The following EPM2A variants were observed in gnomAD, a reference collection of about 807,000 sequenced individuals.
EPM2A encodes the protein laforin.
A neutral mutation model predicts 26.5 loss-of-function variants in EPM2A; 21 were observed. That is an observed-to-expected ratio of 0.79 (90% confidence interval 0.56 to 1.14). The LOEUF is 1.14. EPM2A is among the 50% of genes most tolerant of loss of function. EPM2A has a pLI of 0.00. For synonymous variants in EPM2A, 217 were observed against 177.6 expected (o/e 1.22, Z -1.76); for missense variants, 458 against 440.8 (o/e 1.04, Z -0.35).
chr6:145,707,600 T>A (rs1467227545), intron 1 of EPM2A, among the ~76,000 whole-genome samples: 4 of 152,162 alleles, frequency 2.6e-5, no homozygotes, highest in Admixed American at 1.3e-4. Context: ...TATAAAAGGG[T>A]ATACCCTTGT....
chr6:145,420,357 A>G (rs1044528580), intron 4 of EPM2A, among the ~76,000 whole-genome samples: 3 of 152,172 alleles, frequency 2.0e-5, no homozygotes, highest in Non-Finnish European at 4.4e-5. Flanking sequence ...ATATGGTACT[A>G]CTAGAACTTT....
chr6:145,431,722 T>C (rs1185166104), intron 4 of EPM2A, among the ~76,000 whole-genome samples: 1 of 152,168 alleles, frequency 6.6e-6, no homozygotes, highest in African/African-American at 2.4e-5. Flanking sequence ...TGAGTGTGAC[T>C]GCAGTAATTT....
Position 145,513,688 on chromosome 6 carries a change from G to A in EPM2A, c.341-11113C>T, listed in dbSNP as rs183838295. Among the ~76,000 whole-genome samples, 14 of 152,290 alleles carry A rather than the reference G, an allele frequency of 9.2e-5. No individual in the cohort carries two copies. In the East Asian group the frequency reaches 2.7e-3, roughly 29 times the overall value. On this transcript the variant is annotated intron_variant, in intron 2 of 3. Coordinates refer to the EPM2A transcript ENST00000450221. The stretch of plus-strand genomic sequence containing the variant: ...CCTTGATAGCAAAAATATGAATATT[G>A]ATTATTCATGACATGCAAGTGATGA...
chr6:145,438,692 T>G (rs1779020949), intron 4 of EPM2A, among the ~76,000 whole-genome samples: 1 of 152,090 alleles, frequency 6.6e-6, no homozygotes, highest in Non-Finnish European at 1.5e-5. Context: ...CAGGCTGGTC[T>G]CAAACTCCTG....
intron 2 of EPM2A, among the ~76,000 whole-genome samples, chr6:145,525,629 T>G (rs1182905558): frequency 6.6e-6 from 1 of 152,146 alleles, no homozygotes; most frequent in Non-Finnish European, 1.5e-5. Flanking sequence ...TGCTACTGAT[T>G]TGTGTACATT....
chr6:145,477,952 T>C (rs998821600), intron 4 of EPM2A, among the ~76,000 whole-genome samples: 19 of 151,894 alleles, frequency 1.3e-4, no homozygotes, highest in African/African-American at 4.6e-4. Flanking sequence ...AAGAGAAAGA[T>C]ATAAAGGGCA....
At chr6:145,509,320 A>T (rs1780021250) in intron 2 of EPM2A, among the ~76,000 whole-genome samples, 1 of 152,194 alleles carries the variant, frequency 6.6e-6, no homozygotes, top group Non-Finnish European at 1.5e-5. Context: ...AAAAAAAGAA[A>T]ATCTTAAAGA....
chr6:145,459,018 G>A (rs750274219), intron 4 of EPM2A, among the ~76,000 whole-genome samples: 1 of 152,118 alleles, frequency 6.6e-6, no homozygotes, highest in East Asian at 1.9e-4. Context: ...GAAGTGGAAA[G>A]GACTTTGTTT....
chr6:145,615,748 G>A (rs894537919), intron 2 of EPM2A, among the ~76,000 whole-genome samples: 1 of 152,024 alleles, frequency 6.6e-6, no homozygotes, highest in South Asian at 2.1e-4. Context: ...CTGGAGTAAA[G>A]GTGACTCTTG....
At chr6:145,700,860 T>C (rs1301991768) in intron 1 of EPM2A, among the ~76,000 whole-genome samples, 1 of 152,208 alleles carries the variant, frequency 6.6e-6, no homozygotes, top group Non-Finnish European at 1.5e-5. Context: ...AAACACTCCC[T>C]TGAGCTGATC....
At chr6:145,579,369 A>T (rs1781081681) in intron 2 of EPM2A, among the ~76,000 whole-genome samples, 1 of 152,112 alleles carries the variant, frequency 6.6e-6, no homozygotes, top group Non-Finnish European at 1.5e-5. Flanking sequence ...CATAAAATTA[A>T]CCATCACAAA....
intron 4 of EPM2A, among the ~76,000 whole-genome samples, chr6:145,479,533 C>T (rs1779587487): frequency 6.6e-6 from 1 of 151,788 alleles, no homozygotes; most frequent in African/African-American, 2.4e-5. Flanking sequence ...AACATAGGTC[C>T]TTTTGTGATA....
rs1779316462 is a variant in EPM2A, at chr6:145,667,708, T to G, written c.476+18414A>C. Among the ~76,000 whole-genome samples the G allele has an allele frequency of 5.7e-5, 8 of 140,196 alleles. 1 individual carries two copies. The South Asian group carries it at 1.8e-3, about 31-fold the overall frequency. The allele number at this position is 140,196 out of a possible 152,430, so 92.0% of individuals were successfully genotyped here. On this transcript the variant is annotated intron_variant, in intron 2 of 3. Transcript: ENST00000367519. Reference sequence around the variant, plus strand: ...TAAATCATGCTGCTATAAAGACACATGCACACGTATGTTTATTGCAGCATT... The same window carrying G: ...TAAATCATGCTGCTATAAAGACACAGGCACACGTATGTTTATTGCAGCATT...
At chr6:145,576,401 A>G (rs900168131) in intron 2 of EPM2A, among the ~76,000 whole-genome samples, 3 of 151,914 alleles carry the variant, frequency 2.0e-5, no homozygotes, top group Non-Finnish European at 4.4e-5. Flanking sequence ...TCTTATCAAG[A>G]CATCACAGTA....
rs199808514 is a variant in EPM2A at position 145,666,107 on chromosome 6, G to C, written c.476+20015C>G. On this transcript the variant is annotated intron_variant, in intron 2 of 3. Coordinates refer to ENST00000367519, the MANE Select transcript of EPM2A (RefSeq NM_005670.4). ...GCATTCCCTTTGAAAACTGGCACAA[G>C]ACAGGGATGCCCTCTCTCACCGCTC... Among the ~76,000 whole-genome samples the C allele has an allele frequency of 3.9e-3, 567 of 146,984 alleles. 16 individuals carry two copies. In the East Asian group the frequency reaches 0.07, roughly 18 times the overall value.
chr6:145,627,886 A>T (rs1775946161), intron 3 of EPM2A, 193 bp from the exon 4 acceptor site: 2 of 732,608 alleles, frequency 2.7e-6, no homozygotes, highest in Non-Finnish European at 2.2e-6. Flanking sequence ...AAGTGGAAAG[A>T]GCATTCCAGA....
At chr6:145,618,779 A>G (rs1775569122) in intron 2 of EPM2A, among the ~76,000 whole-genome samples, 1 of 152,224 alleles carries the variant, frequency 6.6e-6, no homozygotes, top group South Asian at 2.1e-4. Context: ...ACAGACTAAT[A>G]CAATGTCACG....
chr6:145,636,150 A>G (rs1392773406), intron 2 of EPM2A: 2 of 152,306 alleles, frequency 1.3e-5, no homozygotes, highest in Non-Finnish European at 2.9e-5. Context: ...AAAAGTTAAA[A>G]ACTCAGAAAA....
chr6:145,488,527 G>A (rs1779709294), intron 4 of EPM2A, among the ~76,000 whole-genome samples: 1 of 111,412 alleles, frequency 9.0e-6, no homozygotes. Context: ...GTGTGTGAGA[G>A]AGAGAGAGAG....
Sources: allele counts gnomAD v4.1 joint callset (sites outside exome capture counted in the v4.1 genomes callset), GRCh38; gene constraint gnomAD v4.1.1; transcripts MANE v1.5; gene names NCBI Gene and HGNC (gene_info 2026-07-23, HGNC 2026-07-21).